RAD51B: variants seen among roughly 807,000 people sequenced by gnomAD.
RAD51B encodes the protein DNA repair protein RAD51 homolog 2.
A neutral mutation model predicts 42.2 loss-of-function variants in RAD51B; 38 were observed. That is an observed-to-expected ratio of 0.90 (90% CI 0.70 to 1.18). The LOEUF (loss-of-function observed/expected upper bound fraction) is 1.18, where lower values mean the gene tolerates loss of function less well. Ranked by LOEUF, RAD51B falls within the 50% of genes most tolerant of loss-of-function variation. RAD51B has a pLI of 0.00. For missense variants in RAD51B, 373 were observed against 400.7 expected (o/e 0.93, Z 0.59); for synonymous variants, 154 against 145.2 (o/e 1.06, Z -0.43).
chr14:68,294,891 G>T (rs1170683022), intron 8 of RAD51B, among the ~76,000 whole-genome samples: 1 of 152,120 alleles, frequency 6.6e-6, no homozygotes, highest in African/African-American at 2.4e-5. Context: ...TCTGTCTCTT[G>T]CTCTCTCTGC....
At chr14:68,253,902 TGCTCTGTCTTAA>T (rs1269688823) in intron 7 of RAD51B, among the ~76,000 whole-genome samples, 24 of 152,248 alleles carry the variant, frequency 1.6e-4, no homozygotes, top group African/African-American at 2.4e-5. Context: ...AATATTATCC[TGCTCTGTCTTAA>T]CAATTACTAA....
chr14:68,369,352 G>A (rs992138942), intron 8 of RAD51B, among the ~76,000 whole-genome samples: 2 of 152,184 alleles, frequency 1.3e-5, no homozygotes, highest in Non-Finnish European at 2.9e-5. Flanking sequence ...TCAGCACACC[G>A]GCTCTTGCAC....
intron 7 of RAD51B, among the ~76,000 whole-genome samples, chr14:68,026,229 A>C (rs967017706): frequency 9.2e-5 from 14 of 151,916 alleles, no homozygotes; most frequent in Non-Finnish European, 1.8e-4. Flanking sequence ...ATGATTTTGA[A>C]TTTTTTGAAT....
chr14:68,602,170 C>A (rs1389007372), intron 10 of RAD51B, among the ~76,000 whole-genome samples: 1 of 152,050 alleles, frequency 6.6e-6, no homozygotes, highest in East Asian at 1.9e-4. Flanking sequence ...GTGGGCCGCT[C>A]CAGCTCTTCC....
At chr14:68,050,639 T>G (rs1254068626) in intron 7 of RAD51B, among the ~76,000 whole-genome samples, 1 of 152,182 alleles carries the variant, frequency 6.6e-6, no homozygotes, top group Non-Finnish European at 1.5e-5. Flanking sequence ...AGTACCATAC[T>G]GCTTTCTCAT....
chr14:68,435,374 C>T (rs1419910942), intron 9 of RAD51B, among the ~76,000 whole-genome samples: 2 of 152,012 alleles, frequency 1.3e-5, no homozygotes, highest in Non-Finnish European at 2.9e-5. Flanking sequence ...TTTTTTATGG[C>T]TGTATATGTA....
chr14:67,847,267 G>A (rs2041647552), intron 4 of RAD51B, among the ~76,000 whole-genome samples: 1 of 151,568 alleles, frequency 6.6e-6, no homozygotes, highest in Non-Finnish European at 1.5e-5. Flanking sequence ...CTTGCCCCAG[G>A]GTCTTCTCTC....
chr14:68,116,356 A>C (rs986050729), intron 7 of RAD51B, among the ~76,000 whole-genome samples: 1 of 151,942 alleles, frequency 6.6e-6, no homozygotes, highest in Non-Finnish European at 1.5e-5. Context: ...TAAAAAAAAA[A>C]AAAAAAAGAA....
intron 7 of RAD51B, among the ~76,000 whole-genome samples, chr14:68,029,073 G>A (rs905145277): frequency 2.6e-5 from 4 of 152,194 alleles, no homozygotes; most frequent in East Asian, 1.9e-4. Flanking sequence ...ACCCTCTCCC[G>A]TGGAGCTGTT....
At chr14:68,408,219 A>G (rs2084330043) in intron 8 of RAD51B, among the ~76,000 whole-genome samples, 1 of 152,192 alleles carries the variant, frequency 6.6e-6, no homozygotes, top group Non-Finnish European at 1.5e-5. Context: ...TTTACAGTTA[A>G]ATCAGTAAGA....
At chr14:68,120,836 A>T (rs2077638442) in intron 7 of RAD51B, among the ~76,000 whole-genome samples, 1 of 152,112 alleles carries the variant, frequency 6.6e-6, no homozygotes, top group Admixed American at 6.5e-5. Context: ...CTCAGGAAAG[A>T]ATCCTCCCAA....
intron 7 of RAD51B, among the ~76,000 whole-genome samples, chr14:68,204,812 C>T (rs1281776591): frequency 6.6e-6 from 1 of 152,116 alleles, no homozygotes; most frequent in South Asian, 2.1e-4. Flanking sequence ...AATTGAAAAA[C>T]TCCCAAATAA....
chr14:68,121,823 C>T (rs946485338), intron 7 of RAD51B, among the ~76,000 whole-genome samples: 4 of 151,904 alleles, frequency 2.6e-5, no homozygotes, highest in Admixed American at 2.0e-4. Context: ...TGGGACTAGA[C>T]CAATTTTTGT....
chr14:68,459,982 C>T (rs532101361), intron 9 of RAD51B, among the ~76,000 whole-genome samples: 31 of 152,276 alleles, frequency 2.0e-4, no homozygotes, highest in African/African-American at 7.5e-4. Context: ...AGGAAGCCTT[C>T]CTGGCACAGG....
intron 7 of RAD51B, among the ~76,000 whole-genome samples, chr14:68,283,463 A>G (rs1450741712): frequency 6.6e-6 from 1 of 152,224 alleles, no homozygotes; most frequent in African/African-American, 2.4e-5. Context: ...CTAGCTGGCC[A>G]GAGACTTTTT....
intron 7 of RAD51B, among the ~76,000 whole-genome samples, chr14:68,063,757 A>T (rs1441362746): frequency 6.6e-6 from 1 of 152,188 alleles, no homozygotes; most frequent in African/African-American, 2.4e-5. Flanking sequence ...AAATAAATAA[A>T]AAGGTGTCAG....
chr14:68,257,699 C>A (rs1052207872), intron 7 of RAD51B, among the ~76,000 whole-genome samples: 1 of 152,064 alleles, frequency 6.6e-6, no homozygotes, highest in African/African-American at 2.4e-5. Flanking sequence ...TGAAAGATTT[C>A]TCTCTTAACA....
In RAD51B at chr14:68,501,480, C is replaced by CA. The variant is rs551769328; in HGVS notation, c.1036+33232dup. On this transcript the variant is annotated intron_variant, in intron 10 of 10. Coordinates refer to the RAD51B transcript ENST00000487270. ...GCCCCATGGAGCTTTGGTGAGGCAG[C>CA]AACCCCTGTGCAAACTCGCTGACAG... Among the ~76,000 whole-genome samples, 48 of 152,342 alleles carry CA rather than the reference C, an allele frequency of 3.2e-4. 2 individuals are homozygous for CA. The South Asian group carries it at 5.4e-3, about 17-fold the overall frequency.
intron 7 of RAD51B, among the ~76,000 whole-genome samples, chr14:68,275,011 C>T (rs750285085): frequency 2.6e-5 from 4 of 152,138 alleles, no homozygotes; most frequent in Non-Finnish European, 5.9e-5. Flanking sequence ...ATCAGTGGTT[C>T]GGGATAGTGG....
Sources: gnomAD v4.1 joint callset for allele counts (sites outside exome capture counted in the v4.1 genomes callset) on GRCh38, gnomAD v4.1.1 for gene constraint, MANE v1.5 for transcripts, NCBI Gene and HGNC (gene_info 2026-07-23, HGNC 2026-07-21) for gene names.